Variants in SDC2 observed in about 807,000 individuals in gnomAD.
SDC2 encodes syndecan 2.
SDC2 carries 13 observed loss-of-function variants against 22.2 expected under a neutral mutation model. The ratio of observed to expected loss-of-function variants is 0.59; its 90% confidence interval spans 0.38 to 0.93. The LOEUF (loss-of-function observed/expected upper bound fraction) is 0.93. Ranked by LOEUF, SDC2 falls within the 40% of genes least tolerant of loss-of-function variation. The probability of loss-of-function intolerance (pLI) is 0.00; values close to 1 mark genes in which losing one functional copy is unlikely to be tolerated. For synonymous variants in SDC2, 94 were observed against 92.8 expected (o/e 1.01, Z -0.07); for missense variants, 235 against 246.8 (o/e 0.95, Z 0.32).
At chr8:96,574,475 C>A (rs933229073) in intron 1 of SDC2, among the ~76,000 whole-genome samples, 11 of 152,258 alleles carry the variant, frequency 7.2e-5, no homozygotes, top group African/African-American at 2.6e-4. Context: ...GAATTTAAAC[C>A]ACAATTGCTT....
chr8:96,576,934 G>A (rs925531778), intron 1 of SDC2, among the ~76,000 whole-genome samples: 2 of 152,184 alleles, frequency 1.3e-5, no homozygotes, highest in Non-Finnish European at 1.5e-5. Context: ...TTGAGATGTA[G>A]TAGACTTTTA....
intron 1 of SDC2, among the ~76,000 whole-genome samples, chr8:96,564,179 TAAAA>T (rs1352353664): frequency 6.6e-6 from 1 of 152,142 alleles, no homozygotes. Flanking sequence ...ATTTGGGAAT[TAAAA>T]AAATGTAGGA....
At chr8:96,553,388 A>G (rs1586296078) in intron 1 of SDC2, among the ~76,000 whole-genome samples, 1 of 151,994 alleles carries the variant, frequency 6.6e-6, no homozygotes, top group East Asian at 1.9e-4. Context: ...CCTACAGCAT[A>G]TTGTAAGTAT....
intron 1 of SDC2, among the ~76,000 whole-genome samples, chr8:96,504,691 T>C (rs73696058): frequency 0.019 from 2,909 of 152,348 alleles, 86 homozygotes; most frequent in African/African-American, 0.066. Flanking sequence ...TGTTTATGTA[T>C]AAATATATAC....
chr8:96,507,310 G>A (rs190079076), intron 1 of SDC2, among the ~76,000 whole-genome samples: 29 of 152,286 alleles, frequency 1.9e-4, no homozygotes, highest in Non-Finnish European at 2.8e-4. Flanking sequence ...TTAATGATTA[G>A]CACCTAATGC....
intron 1 of SDC2, among the ~76,000 whole-genome samples, chr8:96,587,874 A>G (rs377387194): frequency 1.8e-4 from 28 of 152,170 alleles, no homozygotes; most frequent in African/African-American, 6.5e-4. Context: ...CGAGGTAGGC[A>G]GCATGTTGAA....
chr8:96,498,463 C>T (rs901397733), intron 1 of SDC2, among the ~76,000 whole-genome samples: 1 of 147,790 alleles, frequency 6.8e-6, no homozygotes, highest in South Asian at 2.1e-4. Flanking sequence ...CTTCCTGCAG[C>T]GCTAATCTTT....
Position 96,494,342 on chromosome 8 carries a change from C to G in SDC2, c.60+11C>G. 3 of 1,540,004 alleles carry G rather than the reference C, an allele frequency of 1.9e-6. No homozygotes were observed. The highest frequency in any genetic ancestry group is 2.6e-6 in the Non-Finnish European group (3 of 1,147,614). ...GTGTCGGCGGAGTCGGTGAGTGGGC[C>G]AGGCGGAGGATGCGCGCGCCGTTTA... On this transcript the variant is annotated intron_variant, in intron 1 of 4. Coordinates refer to ENST00000302190, the MANE Select transcript of SDC2 (RefSeq NM_002998.4).
At chr8:96,513,588 G>A (rs1436806343) in intron 1 of SDC2, among the ~76,000 whole-genome samples, 1 of 152,096 alleles carries the variant, frequency 6.6e-6, no homozygotes. Context: ...ATGTGCCAGG[G>A]GTTCTGTTTT....
intron 1 of SDC2, among the ~76,000 whole-genome samples, chr8:96,589,655 C>T (rs558711942): frequency 7.9e-5 from 12 of 152,344 alleles, no homozygotes; most frequent in Admixed American, 2.0e-4. Context: ...AGGTGATCCG[C>T]CCGCCTTGGC....
chr8:96,495,412 C>G (rs1035722618), intron 1 of SDC2, among the ~76,000 whole-genome samples: 2 of 152,304 alleles, frequency 1.3e-5, no homozygotes, highest in African/African-American at 4.8e-5. Flanking sequence ...TTGGCCTCCT[C>G]TCGTCCGCAG....
intron 2 of SDC2, among the ~76,000 whole-genome samples, chr8:96,601,640 C>CAAAA (rs749025894): frequency 3.1e-4 from 21 of 66,682 alleles, no homozygotes; most frequent in Non-Finnish European, 2.0e-4. Flanking sequence ...ACTCCATCTC[C>CAAAA]AAAAAAAAAA....
At position 96,602,054 on chromosome 8, in the gene SDC2, G is replaced by A. The variant is rs536428615; in HGVS notation, c.173-341G>A. ...ATTACAGGCGTGAGCCCCTGCACCT[G>A]GACTGTTGTGTTCTTAAAATGGAAA... On this transcript the variant is annotated intron_variant, in intron 2 of 4. Coordinates refer to ENST00000302190, the MANE Select transcript of SDC2 (RefSeq NM_002998.4). Among the ~76,000 whole-genome samples the A allele has an allele frequency of 8.5e-5, 13 of 152,242 alleles. No individual in the cohort carries two copies. The South Asian group carries it at 2.7e-3, about 32-fold the overall frequency.
intron 1 of SDC2, among the ~76,000 whole-genome samples, chr8:96,552,359 C>A (rs904820696): frequency 6.6e-6 from 1 of 152,170 alleles, no homozygotes; most frequent in Admixed American, 6.5e-5. Context: ...TGTTATTGAT[C>A]TCAGCAAATG....
intron 1 of SDC2, among the ~76,000 whole-genome samples, chr8:96,544,410 T>A (rs1293675550): frequency 6.6e-6 from 1 of 152,152 alleles, no homozygotes; most frequent in Non-Finnish European, 1.5e-5. Context: ...GCTTGCTGAC[T>A]GTCTTTTCTA....
At chr8:96,561,383 G>A (rs896377096) in intron 1 of SDC2, among the ~76,000 whole-genome samples, 3 of 152,294 alleles carry the variant, frequency 2.0e-5, no homozygotes, top group Middle Eastern at 3.4e-3. Context: ...CTGAGGGGAG[G>A]AAGAACAGGC....
rs1815139750 is a variant in SDC2 at position 96,609,467 on chromosome 8, T to TGAAG, written c.530_533dup (p.Ser178ArgfsTer4). 6.2e-7 allele frequency: 1 copy of TGAAG among 1,613,672 alleles called. No individual in the cohort carries two copies. The highest frequency in any genetic ancestry group is 8.5e-7 in the Non-Finnish European group (1 of 1,179,846). On this transcript the variant is annotated frameshift_variant, in exon 5 of 5. Coordinates refer to ENST00000302190, the MANE Select transcript of SDC2 (RefSeq NM_002998.4). LOFTEE classifies it high-confidence loss of function. Reference sequence around the variant, plus strand: ...TGGTGTATCGCATGAGAAAGAAGGATGAAGGAAGCTATGACCTTGGAGAAC... The same window carrying TGAAG: ...TGGTGTATCGCATGAGAAAGAAGGATGAAGGAAGGAAGCTATGACCTTGGAGAAC...
chr8:96,607,255 G>T (rs1041476290), intron 3 of SDC2, among the ~76,000 whole-genome samples: 87 of 152,108 alleles, frequency 5.7e-4, no homozygotes, highest in African/African-American at 2.1e-3. Flanking sequence ...GGTGGGTTGG[G>T]TGAGGACTGG....
chr8:96,500,333 C>A (rs923135685), intron 1 of SDC2, among the ~76,000 whole-genome samples: 7 of 151,994 alleles, frequency 4.6e-5, no homozygotes, highest in Non-Finnish European at 1.0e-4. Flanking sequence ...TTTTGGGGAT[C>A]TGGGGGCAGA....
Sources: allele counts gnomAD v4.1 joint callset (sites outside exome capture counted in the v4.1 genomes callset), GRCh38; gene constraint gnomAD v4.1.1; transcripts MANE v1.5; gene names NCBI Gene and HGNC (gene_info 2026-07-23, HGNC 2026-07-21).